The following NOS1AP variants were observed in gnomAD, a reference collection of about 807,000 sequenced individuals.
The protein encoded by NOS1AP is carboxyl-terminal PDZ ligand of neuronal nitric oxide synthase protein.
In NOS1AP, 21 loss-of-function variants were observed where a neutral mutation model predicts 56.2. The ratio of observed to expected loss-of-function variants is 0.37; its 90% CI spans 0.26 to 0.54. The LOEUF (loss-of-function observed/expected upper bound fraction) is 0.54, where lower values mean the gene tolerates loss of function less well. NOS1AP is among the 20% of genes least tolerant of loss of function. The pLI, the probability that NOS1AP is intolerant of heterozygous loss-of-function variation, is 0.84. For synonymous variants in NOS1AP, 270 were observed against 274.6 expected (o/e 0.98, Z 0.17); for missense variants, 522 against 657.8 (o/e 0.79, Z 2.26).
chr1:162,322,843 T>A (rs1019582175), intron 4 of NOS1AP, among the ~76,000 whole-genome samples: 37 of 152,088 alleles, frequency 2.4e-4, no homozygotes, highest in African/African-American at 7.5e-4. Flanking sequence ...CTAGCCCAGG[T>A]ATAGAGAAAA....
intron 1 of NOS1AP, among the ~76,000 whole-genome samples, chr1:162,076,552 G>A (rs1354130168): frequency 6.6e-6 from 1 of 152,092 alleles, no homozygotes; most frequent in Non-Finnish European, 1.5e-5. Flanking sequence ...GTCAATTTTA[G>A]AACATTTTCA....
intron 1 of NOS1AP, among the ~76,000 whole-genome samples, chr1:162,105,580 C>T (rs943890373): frequency 1.3e-5 from 2 of 152,198 alleles, no homozygotes; most frequent in Admixed American, 1.3e-4. Context: ...GAGATCAGAG[C>T]TCTCTCTGTA....
In NOS1AP at chr1:162,325,791, C is replaced by T. The variant is rs1192808709; in HGVS notation, c.345-7226C>T. On this transcript the variant is annotated intron_variant, in intron 4 of 9. Coordinates refer to ENST00000361897, the MANE Select transcript of NOS1AP (RefSeq NM_014697.3). ...AGGTGACTTGGTACCTTATCTTTAT[C>T]AGCTGGTTTCATTTCGCTCTGTGCT... Among the ~76,000 whole-genome samples, 2 of 151,844 alleles carry T rather than the reference C, an allele frequency of 1.3e-5. 1 individual carries two copies. The highest frequency in any genetic ancestry group is 3.9e-4 in the East Asian group (2 of 5,166).
At chr1:162,074,654 T>C (rs1178993241) in intron 1 of NOS1AP, among the ~76,000 whole-genome samples, 1 of 152,138 alleles carries the variant, frequency 6.6e-6, no homozygotes, top group Admixed American at 6.5e-5. Context: ...CTTGAAACAA[T>C]AACTGTTTAA....
chr1:162,227,782 A>C (rs950872448), intron 2 of NOS1AP, among the ~76,000 whole-genome samples: 2 of 151,694 alleles, frequency 1.3e-5, no homozygotes, highest in Non-Finnish European at 2.9e-5. Context: ...AGGAGAAAAA[A>C]CCCTCCTATG....
At chr1:162,226,036 G>A (rs367649368) in intron 2 of NOS1AP, among the ~76,000 whole-genome samples, 4 of 152,204 alleles carry the variant, frequency 2.6e-5, no homozygotes, top group African/African-American at 9.7e-5. Context: ...GCTCATGCCT[G>A]TAATCCCAGC....
chr1:162,113,223 G>A (rs145571547), intron 1 of NOS1AP, among the ~76,000 whole-genome samples: 24 of 152,266 alleles, frequency 1.6e-4, no homozygotes, highest in South Asian at 1.0e-3. Context: ...CTGACAGCAA[G>A]CAGGTTATGG....
chr1:162,114,242 T>C (rs185838073), intron 1 of NOS1AP, among the ~76,000 whole-genome samples: 15 of 152,124 alleles, frequency 9.9e-5, no homozygotes, highest in African/African-American at 1.7e-4. Flanking sequence ...CAAAGACGAA[T>C]AGGGGATATA....
rs1451234982 is a variant in NOS1AP at position 162,124,831 on chromosome 1, C to T, written c.106-29574C>T. On this transcript the variant is annotated intron_variant, in intron 1 of 9. Coordinates refer to ENST00000361897, the MANE Select transcript of NOS1AP (RefSeq NM_014697.3). ...AGCCACCACGCATGGCCACACACACCGTATTTTCTTTATCTACTCATCAGT... is the reference window on the plus strand; with the variant it reads ...AGCCACCACGCATGGCCACACACACTGTATTTTCTTTATCTACTCATCAGT... Among the ~76,000 whole-genome samples the T allele has an allele frequency of 2.0e-5, 3 of 151,908 alleles. 1 individual carries two copies. Among genetic ancestry groups the T allele is most frequent in the South Asian group, 4.2e-4 (2 of 4,812 alleles).
At chr1:162,272,575 C>T (rs904170533) in intron 2 of NOS1AP, among the ~76,000 whole-genome samples, 1 of 152,178 alleles carries the variant, frequency 6.6e-6, no homozygotes, top group East Asian at 1.9e-4. Context: ...AACTGGTGAT[C>T]GCCTGATGAT....
rs536599960 is a variant in NOS1AP, at chr1:162,257,874, C to G, written c.178-29470C>G. ...TAGCCTTTGTCTCTTCAGATTTTCT[C>G]TACTGGCTCTAGACGCATCTCTTTT... On this transcript the variant is annotated intron_variant, in intron 2 of 9. Coordinates refer to ENST00000361897, the MANE Select transcript of NOS1AP (RefSeq NM_014697.3). Among the ~76,000 whole-genome samples the G allele has an allele frequency of 1.4e-3, 217 of 152,246 alleles. 1 individual carries two copies. The highest frequency in any genetic ancestry group is 4.8e-3 in the African/African-American group (200 of 41,556).
In NOS1AP at chr1:162,139,401, G is replaced by C. The variant is rs116225653; in HGVS notation, c.106-15004G>C. Among the ~76,000 whole-genome samples the C allele has an allele frequency of 2.5e-3, 374 of 152,304 alleles. 1 individual carries two copies. Among genetic ancestry groups the C allele is most frequent in the African/African-American group, 6.7e-3 (278 of 41,570 alleles). Reference sequence around the variant, plus strand: ...ACAAGCCTAGACACTATCTATCAGGGGCTTACAGATAGCCTGTGAATGGGA... The same window carrying C: ...ACAAGCCTAGACACTATCTATCAGGCGCTTACAGATAGCCTGTGAATGGGA... On this transcript the variant is annotated intron_variant, in intron 1 of 9. Transcript: ENST00000361897.
chr1:162,087,203 G>A (rs571197377), intron 1 of NOS1AP, among the ~76,000 whole-genome samples: 2 of 152,286 alleles, frequency 1.3e-5, no homozygotes, highest in South Asian at 4.1e-4. Flanking sequence ...TGGATGTCCA[G>A]TAGCTCGTGA....
At chr1:162,265,644 A>G (rs1209099857) in intron 2 of NOS1AP, among the ~76,000 whole-genome samples, 2 of 152,098 alleles carry the variant, frequency 1.3e-5, no homozygotes, top group Non-Finnish European at 2.9e-5. Flanking sequence ...TTTGCCATGT[A>G]TATCTCATAA....
At chr1:162,225,407 A>T (rs1652909300) in intron 2 of NOS1AP, among the ~76,000 whole-genome samples, 3 of 152,216 alleles carry the variant, frequency 2.0e-5, no homozygotes, top group Admixed American at 2.0e-4. Flanking sequence ...CTCTAAGAGC[A>T]TCACTCACCT....
At chr1:162,355,069 G>A (rs1390852891) in intron 6 of NOS1AP, 118 bp from the exon 7 acceptor site, 3 of 1,109,152 alleles carry the variant, frequency 2.7e-6, no homozygotes, top group Non-Finnish European at 4.1e-6. Context: ...GTGTGAAAAT[G>A]TTACAAAGCC....
At chr1:162,088,959 G>A (rs569445137) in intron 1 of NOS1AP, among the ~76,000 whole-genome samples, 1 of 151,976 alleles carries the variant, frequency 6.6e-6, no homozygotes, top group Non-Finnish European at 1.5e-5. Context: ...TCTCCCTCTC[G>A]CCATTCTCCT....
intron 5 of NOS1AP, among the ~76,000 whole-genome samples, chr1:162,336,952 A>T (rs1259124608): frequency 6.6e-6 from 1 of 152,224 alleles, no homozygotes; most frequent in African/African-American, 2.4e-5. Flanking sequence ...CACTGTGAGC[A>T]TCCAGTGGAG....
At chr1:162,226,171 T>C (rs1652934197) in intron 2 of NOS1AP, among the ~76,000 whole-genome samples, 1 of 152,072 alleles carries the variant, frequency 6.6e-6, no homozygotes, top group South Asian at 2.1e-4. Flanking sequence ...TGCATGCCTG[T>C]AATCCCAGCT....
Sources: allele counts gnomAD v4.1 joint callset (sites outside exome capture counted in the v4.1 genomes callset), GRCh38; gene constraint gnomAD v4.1.1; transcripts MANE v1.5; gene names NCBI Gene and HGNC (gene_info 2026-07-23, HGNC 2026-07-21).